MED13L: variants seen among roughly 807,000 people sequenced by gnomAD.
MED13L encodes the protein mediator of RNA polymerase II transcription subunit 13-like.
A neutral mutation model predicts 220.9 loss-of-function variants in MED13L; 7 were observed. That is an observed-to-expected ratio of 0.03 (90% CI 0.02 to 0.06). The LOEUF is 0.06. MED13L is among the 10% of genes least tolerant of loss of function. The pLI is 1.00. For missense variants in MED13L, 1,965 were observed against 2,760.5 expected (o/e 0.71, Z 6.46); for synonymous variants, 1,011 against 1,015.2 (o/e 1.00, Z 0.08).
At chr12:116,031,458 G>A (rs1305117318) in intron 4 of MED13L, among the ~76,000 whole-genome samples, 1 of 151,274 alleles carries the variant, frequency 6.6e-6, no homozygotes, top group Non-Finnish European at 1.5e-5. Flanking sequence ...CTGGCATGGT[G>A]GCGGGCGCCT....
chr12:115,972,423 C>A, intron 25 of MED13L, 187 bp from the exon 26 acceptor site: 1 of 658,528 alleles, frequency 1.5e-6, no homozygotes, highest in Non-Finnish European at 2.6e-6. Flanking sequence ...ACTTCATTAA[C>A]AAAGGAACAA....
intron 1 of MED13L, among the ~76,000 whole-genome samples, chr12:116,245,717 A>T (rs1370852865): frequency 1.3e-5 from 2 of 150,956 alleles, no homozygotes; most frequent in African/African-American, 2.4e-5. Flanking sequence ...AAAGTTTAGG[A>T]AATCTCCCAG....
At chr12:116,150,657 C>T (rs1425288326) in intron 2 of MED13L, among the ~76,000 whole-genome samples, 1 of 152,216 alleles carries the variant, frequency 6.6e-6, no homozygotes, top group African/African-American at 2.4e-5. Context: ...AACTGAGGCA[C>T]ACCATTCTCA....
intron 4 of MED13L, among the ~76,000 whole-genome samples, chr12:116,034,121 T>G (rs192452753): frequency 1.3e-5 from 2 of 152,068 alleles, no homozygotes; most frequent in Non-Finnish European, 2.9e-5. Flanking sequence ...AGCCCCAGAA[T>G]AGACTAAAAT....
chr12:115,975,440 A>C, intron 24 of MED13L, 75 bp downstream of exon 24: 1 of 1,591,968 alleles, frequency 6.3e-7, no homozygotes, highest in Non-Finnish European at 8.6e-7. Context: ...ATTTACATAG[A>C]AAACTGGAAA....
At chr12:116,195,045 T>C (rs559648106) in intron 2 of MED13L, among the ~76,000 whole-genome samples, 119 of 152,098 alleles carry the variant, frequency 7.8e-4, no homozygotes, top group Non-Finnish European at 1.2e-4. Flanking sequence ...GAGGCCGAAA[T>C]TGGGCTGAAA....
Position 116,213,088 on chromosome 12 carries a change from A to G in MED13L, c.310+24380T>C, listed in dbSNP as rs77193276. Among the ~76,000 whole-genome samples the G allele has an allele frequency of 6.5e-3, 993 of 152,292 alleles. 9 individuals carry two copies. Among genetic ancestry groups the G allele is most frequent in the African/African-American group, 0.022 (931 of 41,584 alleles). On this transcript the variant is annotated intron_variant, in intron 2 of 30. Transcript: ENST00000281928. ...CACTTATAAACGAAGCATAAAGCCTACTGCTCCCAATTTGCACGGCTTGAT... is the reference window on the plus strand; with the variant it reads ...CACTTATAAACGAAGCATAAAGCCTGCTGCTCCCAATTTGCACGGCTTGAT...
intron 2 of MED13L, among the ~76,000 whole-genome samples, chr12:116,147,686 A>T (rs906836887): frequency 2.0e-5 from 3 of 152,124 alleles, no homozygotes; most frequent in African/African-American, 7.2e-5. Flanking sequence ...TCTGTAATAT[A>T]CCAAACTGTA....
intron 2 of MED13L, among the ~76,000 whole-genome samples, chr12:116,157,813 GA>G (rs1269091298): frequency 6.6e-6 from 1 of 152,204 alleles, no homozygotes; most frequent in Non-Finnish European, 1.5e-5. Context: ...AGAAAGGGGT[GA>G]AAATCCCAGT....
At chr12:116,113,315 C>T (rs1593058882) in intron 2 of MED13L, among the ~76,000 whole-genome samples, 2 of 151,912 alleles carry the variant, frequency 1.3e-5, no homozygotes, top group South Asian at 2.1e-4. Context: ...TTGTTTAAAA[C>T]TTCTGATATT....
chr12:116,162,174 A>C (rs1878903298), intron 2 of MED13L, among the ~76,000 whole-genome samples: 1 of 151,796 alleles, frequency 6.6e-6, no homozygotes, highest in Admixed American at 6.6e-5. Flanking sequence ...GAGTCAGAAC[A>C]AGAAAGTCCC....
chr12:115,979,068 G>A (rs1690831049), intron 23 of MED13L, among the ~76,000 whole-genome samples: 1 of 152,148 alleles, frequency 6.6e-6, no homozygotes, highest in African/African-American at 2.4e-5. Flanking sequence ...CAATGTTCTC[G>A]CTGCAGACTG....
At chr12:116,026,633 C>T (rs931692841) in intron 4 of MED13L, among the ~76,000 whole-genome samples, 1 of 152,116 alleles carries the variant, frequency 6.6e-6, no homozygotes, top group African/African-American at 2.4e-5. Flanking sequence ...GGCTCAAAGA[C>T]CACACTTTGA....
intron 2 of MED13L, among the ~76,000 whole-genome samples, chr12:116,122,465 T>G (rs1298600786): frequency 3.9e-5 from 6 of 152,182 alleles, no homozygotes; most frequent in Admixed American, 6.6e-5. Flanking sequence ...TTCAACCTAT[T>G]TAGAGCTCTG....
intron 4 of MED13L, among the ~76,000 whole-genome samples, chr12:116,081,859 C>A: frequency 6.6e-6 from 1 of 152,114 alleles, no homozygotes; most frequent in East Asian, 1.9e-4. Flanking sequence ...AGAATGAGAA[C>A]CTGTCTCAAA....
intron 2 of MED13L, among the ~76,000 whole-genome samples, chr12:116,236,280 G>T (rs1476859898): frequency 6.6e-6 from 1 of 152,096 alleles, no homozygotes; most frequent in Non-Finnish European, 1.5e-5. Flanking sequence ...CAGGATAAAG[G>T]TTTGAGCTGA....
At chr12:116,200,865 T>C (rs1360731665) in intron 2 of MED13L, among the ~76,000 whole-genome samples, 1 of 152,202 alleles carries the variant, frequency 6.6e-6, no homozygotes, top group African/African-American at 2.4e-5. Context: ...TCCTATGACA[T>C]AGTAGATCGG....
At chr12:116,062,929 C>T (rs1869627792) in intron 4 of MED13L, among the ~76,000 whole-genome samples, 1 of 152,148 alleles carries the variant, frequency 6.6e-6, no homozygotes, top group East Asian at 1.9e-4. Flanking sequence ...TGTCCTGTAC[C>T]CAAGTGGAGA....
chr12:115,958,854 C>T lies in MED13L; in HGVS notation c.*2412G>A, dbSNP rs961350207. On this transcript the variant is annotated 3_prime_UTR_variant, in exon 31 of 31. Coordinates refer to ENST00000281928, the MANE Select transcript of MED13L (RefSeq NM_015335.5). ...GAAACAAAAGAAATTCAGAACTTCC[C>T]AGAAATGTACAGCTTTTACATTTAA... The T allele has an allele frequency of 1.3e-5, 2 of 152,418 alleles. No homozygotes were observed. Among genetic ancestry groups the T allele is most frequent in the African/African-American group, 4.8e-5 (2 of 41,388 alleles). The allele number at this position is 152,418 out of a possible 1,614,324, so 9.4% of individuals were successfully genotyped here.
Sources: gnomAD v4.1 joint callset for allele counts (sites outside exome capture counted in the v4.1 genomes callset) on GRCh38, gnomAD v4.1.1 for gene constraint, MANE v1.5 for transcripts, NCBI Gene and HGNC (gene_info 2026-07-23, HGNC 2026-07-21) for gene names.